UNC79: variants seen among roughly 807,000 people sequenced by gnomAD.
UNC79 encodes protein unc-79 homolog.
In UNC79, 37 loss-of-function variants were observed where a neutral mutation model predicts 283.1. The ratio of observed to expected loss-of-function variants is 0.13; its 90% CI spans 0.10 to 0.17. The LOEUF is 0.17. Ranked by LOEUF, UNC79 falls within the 10% of genes least tolerant of loss-of-function variation. The pLI, the probability that UNC79 is intolerant of heterozygous loss-of-function variation, is 1.00. For missense variants in UNC79, 2,272 were observed against 3,211.1 expected (o/e 0.71, Z 7.07); for synonymous variants, 1,107 against 1,200.2 (o/e 0.92, Z 1.61).
intron 2 of UNC79, 59 bp downstream of exon 2, chr14:93,467,850 T>C: frequency 6.9e-7 from 1 of 1,440,580 alleles, no homozygotes; most frequent in Non-Finnish European, 9.0e-7. Flanking sequence ...GCTGAATTTA[T>C]TGGGATCTAA....
At chr14:93,424,388 C>T in intron 1 of UNC79, among the ~76,000 whole-genome samples, 1 of 152,096 alleles carries the variant, frequency 6.6e-6, no homozygotes, top group East Asian at 1.9e-4. Flanking sequence ...GAAAGCATTA[C>T]ATTGAAGAGA....
chr14:93,516,664 C>G (rs1284060469), intron 7 of UNC79, among the ~76,000 whole-genome samples: 1 of 151,994 alleles, frequency 6.6e-6, no homozygotes, highest in Non-Finnish European at 1.5e-5. Flanking sequence ...CCAGGCTGGT[C>G]TCAAACTCCT....
intron 1 of UNC79, among the ~76,000 whole-genome samples, chr14:93,431,533 A>C (rs1340214642): frequency 6.6e-6 from 1 of 151,974 alleles, no homozygotes; most frequent in Non-Finnish European, 1.5e-5. Context: ...CTTCGGGTGG[A>C]AGAGGCAAGA....
chr14:93,681,379 T>G (rs2073833759), intron 41 of UNC79, among the ~76,000 whole-genome samples: 1 of 152,232 alleles, frequency 6.6e-6, no homozygotes, highest in South Asian at 2.1e-4. Flanking sequence ...GGCCTTTGGC[T>G]TAGAGGTGTA....
At chr14:93,634,425 A>G in intron 31 of UNC79, 96 bp from the exon 34 acceptor site, 1 of 907,322 alleles carries the variant, frequency 1.1e-6, no homozygotes. Flanking sequence ...ATGAATAGCA[A>G]ATGAAGGGTC....
chr14:93,590,528 T>A (rs565864019), intron 22 of UNC79, among the ~76,000 whole-genome samples: 4 of 152,296 alleles, frequency 2.6e-5, no homozygotes, highest in African/African-American at 9.6e-5. Context: ...ATGGGCATTA[T>A]TTTTTATTGT....
At chr14:93,386,507 C>T (rs1441155429) in intron 1 of UNC79, among the ~76,000 whole-genome samples, 2 of 152,158 alleles carry the variant, frequency 1.3e-5, no homozygotes, top group African/African-American at 4.8e-5. Context: ...GAAGTAATCT[C>T]TCCTCTATTT....
At chr14:93,494,013 C>G (rs904316760) in intron 5 of UNC79, among the ~76,000 whole-genome samples, 6 of 149,164 alleles carry the variant, frequency 4.0e-5, no homozygotes, top group Admixed American at 3.4e-4. Context: ...AAGCAATTCT[C>G]CTGCCTCAGC....
rs1285871884 is a variant in UNC79, at chr14:93,503,880, C to CT, written c.898+6600dup. On this transcript the variant is annotated intron_variant, in intron 7 of 48. Transcript: ENST00000555664. ...CCTTCCCTACCCCAAAATTATAATG[C>CT]TTTTTTGTCATCTTCTATAATCTTT... Among the ~76,000 whole-genome samples the CT allele has an allele frequency of 3.1e-4, 47 of 151,904 alleles. 1 individual carries two copies. Among genetic ancestry groups the CT allele is most frequent in the Middle Eastern group, 6.8e-3 (2 of 294 alleles).
chr14:93,342,295 GCT>G (rs2139883001), intron 1 of UNC79, among the ~76,000 whole-genome samples: 1 of 152,314 alleles, frequency 6.6e-6, no homozygotes, highest in South Asian at 2.1e-4. Context: ...AGCTTCCAAG[GCT>G]TGGAGCTTGT....
intron 5 of UNC79, among the ~76,000 whole-genome samples, chr14:93,492,893 T>A (rs955996672): frequency 6.6e-6 from 1 of 152,180 alleles, no homozygotes; most frequent in Non-Finnish European, 1.5e-5. Context: ...CAATCAGTAG[T>A]CACTGAGTAT....
At position 93,682,575 on chromosome 14, in the gene UNC79, C is replaced by A. The variant is rs768074128; in HGVS notation, c.6742-42C>A. The stretch of plus-strand genomic sequence containing the variant: ...AAATGATAAATTACTTATTAATGTC[C>A]AGATACCCTTAAAAATAATTATCCT... On this transcript the variant is annotated intron_variant, in intron 41 of 48. Transcript: ENST00000555664. 15 of 1,520,136 alleles carry A rather than the reference C, an allele frequency of 9.9e-6. No homozygotes were observed. In the Admixed American group the frequency reaches 2.4e-4, roughly 24 times the overall value. The allele number at this position is 1,520,136 out of a possible 1,614,324, so 94.2% of individuals were successfully genotyped here.
chr14:93,683,804 A>C (rs566481105), intron 42 of UNC79, among the ~76,000 whole-genome samples: 2 of 152,064 alleles, frequency 1.3e-5, no homozygotes, highest in Admixed American at 1.3e-4. Flanking sequence ...TTAAAATATA[A>C]AAATTAAAAT....
intron 47 of UNC79, among the ~76,000 whole-genome samples, chr14:93,695,890 C>CAAAAAAAAAAAAAAAAAAAA (rs535235954): frequency 0.062 from 2,424 of 38,902 alleles, 371 homozygotes; most frequent in Non-Finnish European, 0.083. Context: ...GACTTTGTCT[C>CAAAAAAAAAAAAAAAAAAAA]AAAAAAAAAA....
intron 1 of UNC79, among the ~76,000 whole-genome samples, chr14:93,461,112 TAGA>T (rs2056949298): frequency 6.6e-6 from 1 of 152,248 alleles, no homozygotes; most frequent in Non-Finnish European, 1.5e-5. Flanking sequence ...GAAAATTTTC[TAGA>T]AGGATAACAT....
intron 14 of UNC79, among the ~76,000 whole-genome samples, chr14:93,546,501 A>AG (rs757768673): frequency 7.9e-5 from 12 of 152,264 alleles, no homozygotes; most frequent in Non-Finnish European, 1.6e-4. Flanking sequence ...CTATGAAAAT[A>AG]GGAATATTCA....
At position 93,690,059 on chromosome 14, in the gene UNC79, T is replaced by G; in HGVS notation, c.7086-58T>G. ...CCCTTCCTTCAATAAGCATTTGTTA[T>G]GCACCCAATGAAACACAAAACATAA... On this transcript the variant is annotated intron_variant, in intron 44 of 48. Coordinates refer to ENST00000555664, the Ensembl canonical transcript of UNC79. This position sits in a 1 kb window ranked among gnomAD's most constrained non-coding sequence, Gnocchi z 4.3. 1 of 1,569,348 alleles carries G rather than the reference T, an allele frequency of 6.4e-7. No individual in the cohort carries two copies. The highest frequency in any genetic ancestry group is 8.7e-7 in the Non-Finnish European group (1 of 1,148,820).
At chr14:93,652,636 TG>T (rs2070415084) in intron 35 of UNC79, among the ~76,000 whole-genome samples, 1 of 152,236 alleles carries the variant, frequency 6.6e-6, no homozygotes, top group Non-Finnish European at 1.5e-5. Flanking sequence ...ATAAGCTTTT[TG>T]TCCGTTATTT....
At position 93,372,631 on chromosome 14, in the gene UNC79, G is replaced by A. The variant is rs145422593; in HGVS notation, c.-351+39108G>A. Among the ~76,000 whole-genome samples, 427 of 152,278 alleles carry A rather than the reference G, an allele frequency of 2.8e-3. 2 individuals are homozygous for A. The highest frequency in any genetic ancestry group is 6.8e-3 in the Middle Eastern group (2 of 294). ...GTTCTTGAAATACAATCCTCAATGT[G>A]TTTAAGCACCTAACAACAAAGGATC... On this transcript the variant is annotated intron_variant, in intron 1 of 49. Transcript: ENST00000256339.
Sources: allele counts gnomAD v4.1 joint callset (sites outside exome capture counted in the v4.1 genomes callset), GRCh38; gene constraint gnomAD v4.1.1; non-coding constraint Gnocchi (gnomAD v3.1); transcripts MANE v1.5; gene names NCBI Gene and HGNC (gene_info 2026-07-23, HGNC 2026-07-21).